The following JAK1 variants were observed in gnomAD, a reference collection of about 807,000 sequenced individuals.
JAK1 encodes Janus kinase 1.
A neutral mutation model predicts 136.6 loss-of-function variants in JAK1; 16 were observed. The observed-to-expected ratio is 0.12, with a 90% CI of 0.08 to 0.18. The LOEUF is 0.18. JAK1 is among the 10% of genes least tolerant of loss of function. The probability of loss-of-function intolerance (pLI) is 1.00; values close to 1 mark genes in which losing one functional copy is unlikely to be tolerated. For synonymous variants in JAK1, 492 were observed against 519.5 expected (o/e 0.95, Z 0.72); for missense variants, 859 against 1,450.1 (o/e 0.59, Z 6.62).
chr1:64,923,435 G>C lies in JAK1; in HGVS notation c.-77-37094C>G, dbSNP rs549028033. Among the ~76,000 whole-genome samples the C allele has an allele frequency of 7.9e-5, 12 of 152,160 alleles. No homozygotes were observed. The East Asian group carries it at 2.3e-3, about 29-fold the overall frequency. On this transcript the variant is annotated intron_variant, in intron 1 of 24. Transcript: ENST00000342505. ...GCTTGAAAATACAAAAATCACCCTT[G>C]GAACAGTTAACAGATAATTTTAGCT...
intron 2 of JAK1, chr1:64,985,109 T>G (rs538361369): frequency 1.9e-6 from 2 of 1,044,664 alleles, no homozygotes; most frequent in East Asian, 4.7e-5. Context: ...TCCTTCTTAC[T>G]GCCCTTTCCA....
At chr1:65,048,063 G>A (rs141360541) in intron 1 of JAK1, among the ~76,000 whole-genome samples, 3 of 152,228 alleles carry the variant, frequency 2.0e-5, no homozygotes, top group African/African-American at 7.2e-5. Context: ...TATATTCAAA[G>A]AAAAAAACCA....
At chr1:65,036,897 T>C in intron 2 of JAK1, among the ~76,000 whole-genome samples, 1 of 152,108 alleles carries the variant, frequency 6.6e-6, no homozygotes, top group East Asian at 1.9e-4. Flanking sequence ...CTTATAAGGA[T>C]TGAGAAAAGC....
chr1:65,054,025 T>C (rs1272239500), intron 1 of JAK1, among the ~76,000 whole-genome samples: 3 of 152,178 alleles, frequency 2.0e-5, no homozygotes, highest in Admixed American at 6.5e-5. Flanking sequence ...TAGTCTAATG[T>C]TCCTAAAACT....
At chr1:65,065,018 T>C (rs1407238178) in intron 1 of JAK1, among the ~76,000 whole-genome samples, 1 of 152,230 alleles carries the variant, frequency 6.6e-6, no homozygotes, top group East Asian at 1.9e-4. Context: ...GAACCAATTA[T>C]GAACACTATA....
At chr1:64,949,034 A>C (rs146049234) in intron 1 of JAK1, among the ~76,000 whole-genome samples, 56 of 152,338 alleles carry the variant, frequency 3.7e-4, no homozygotes, top group Middle Eastern at 6.8e-3. Flanking sequence ...GACTGCAAGA[A>C]AGGGAATGGA....
chr1:65,036,294 G>C (rs540637246), intron 2 of JAK1, among the ~76,000 whole-genome samples: 2 of 152,116 alleles, frequency 1.3e-5, no homozygotes, highest in East Asian at 3.9e-4. Flanking sequence ...ACTTACCCAG[G>C]AATAGCGGTA....
chr1:64,965,951 G>A (rs1646366817), intron 1 of JAK1, among the ~76,000 whole-genome samples: 2 of 152,112 alleles, frequency 1.3e-5, no homozygotes, highest in South Asian at 2.1e-4. Context: ...GCGGTACAAG[G>A]AGCTAGGGAC....
At chr1:64,846,882 G>T (rs1345454800) in intron 13 of JAK1, 146 bp from the exon 14 acceptor site, 2 of 641,148 alleles carry the variant, frequency 3.1e-6, no homozygotes, top group East Asian at 5.5e-5. Flanking sequence ...CTCTGGCCTT[G>T]GCTGTCCAGA....
intron 2 of JAK1, among the ~76,000 whole-genome samples, chr1:64,983,553 C>T (rs1646570019): frequency 1.3e-5 from 2 of 152,144 alleles, no homozygotes; most frequent in Non-Finnish European, 2.9e-5. Context: ...AAATGACGAA[C>T]CTCTACCAAG....
At chr1:64,839,884 C>T in intron 19 of JAK1, 89 bp from the exon 20 acceptor site, 2 of 1,139,584 alleles carry the variant, frequency 1.8e-6, no homozygotes, top group South Asian at 1.6e-5. Flanking sequence ...CAGCCGTTCC[C>T]CTGAGGGCCA....
Position 64,864,999 on chromosome 1 carries a change from G to A in JAK1, c.991-27C>T, listed in dbSNP as rs2256298. 417,862 of 1,571,840 alleles carry A rather than the reference G, an allele frequency of 0.27. 61,036 individuals are homozygous for A. The highest frequency in any genetic ancestry group is 0.58 in the African/African-American group (42,527 of 73,600). ...TGATAAGATACATAAAAGGGACAGG[G>A]TTAAGTTGCTTTCTTCATTTTCTAT... On this transcript the variant is annotated intron_variant, in intron 7 of 24. Coordinates refer to ENST00000342505, the MANE Select transcript of JAK1 (RefSeq NM_002227.4).
chr1:64,941,200 T>C (rs189450270), intron 1 of JAK1, among the ~76,000 whole-genome samples: 100 of 152,288 alleles, frequency 6.6e-4, no homozygotes, highest in African/African-American at 2.3e-3. Context: ...AGTTGAAGTT[T>C]TGTGGTTATT....
intron 2 of JAK1, among the ~76,000 whole-genome samples, chr1:65,040,852 C>A (rs903220100): frequency 6.6e-6 from 1 of 152,088 alleles, no homozygotes; most frequent in African/African-American, 2.4e-5. Flanking sequence ...GAGGAGCTGA[C>A]AGAAAAATCA....
At chr1:64,994,449 A>G (rs575904428) in intron 2 of JAK1, among the ~76,000 whole-genome samples, 2 of 152,298 alleles carry the variant, frequency 1.3e-5, no homozygotes, top group Non-Finnish European at 2.9e-5. Context: ...TTTATTTCAT[A>G]CAGTTCTGGA....
chr1:64,989,330 A>G (rs1247870361), intron 2 of JAK1: 1 of 143,710 alleles, frequency 7.0e-6, no homozygotes, highest in East Asian at 2.0e-4. Context: ...ATCTCAAATA[A>G]ATAAATAAAT....
At position 64,897,201 on chromosome 1, in the gene JAK1, G is replaced by A. The variant is rs61784704; in HGVS notation, c.-77-10860C>T. Among the ~76,000 whole-genome samples, 271 of 151,718 alleles carry A rather than the reference G, an allele frequency of 1.8e-3. 1 individual carries two copies. Among genetic ancestry groups the A allele is most frequent in the Admixed American group, 2.9e-3 (45 of 15,260 alleles). ...TCTCAGCCCTTTGGAAGGCCGAGGC[G>A]GGTGGATCACTTGAGGTCAGGACTT... is the stretch of plus-strand genomic sequence containing the variant. On this transcript the variant is annotated intron_variant, in intron 1 of 24. Transcript: ENST00000342505.
intron 2 of JAK1, among the ~76,000 whole-genome samples, chr1:65,029,463 G>A (rs777760583): frequency 6.6e-6 from 1 of 152,114 alleles, no homozygotes; most frequent in African/African-American, 2.4e-5. Context: ...CCATTACTGG[G>A]TATATACCCA....
chr1:64,835,563 C>T (rs1461227024), intron 23 of JAK1, 57 bp from the exon 24 acceptor site: 2 of 1,014,314 alleles, frequency 2.0e-6, no homozygotes, highest in Non-Finnish European at 3.0e-6. Context: ...ACATAAATGC[C>T]AAACAGATTA....
Sources: gnomAD v4.1 joint callset for allele counts (sites outside exome capture counted in the v4.1 genomes callset) on GRCh38, gnomAD v4.1.1 for gene constraint, MANE v1.5 for transcripts, NCBI Gene and HGNC (gene_info 2026-07-23, HGNC 2026-07-21) for gene names.